Variants in INO80D observed in about 807,000 individuals in gnomAD.
INO80D encodes the protein INO80 complex subunit D.
A neutral mutation model predicts 87.6 loss-of-function variants in INO80D; 21 were observed. That is an observed-to-expected ratio of 0.24 (90% CI 0.17 to 0.35). The LOEUF is 0.35. Among genes scored for constraint, INO80D ranks in the 10% least tolerant of loss-of-function variants. INO80D has a pLI of 1.00. For missense variants in INO80D, 982 were observed against 1,280.7 expected (o/e 0.77, Z 3.56); for synonymous variants, 440 against 491.0 (o/e 0.90, Z 1.37).
At chr2:206,018,788 G>A (rs917417804) in intron 7 of INO80D, among the ~76,000 whole-genome samples, 1 of 152,098 alleles carries the variant, frequency 6.6e-6, no homozygotes, top group African/African-American at 2.4e-5. Context: ...TGTAGTCCCA[G>A]GTACTCAGGA....
chr2:206,009,499 A>T lies in INO80D; in HGVS notation c.1760+78T>A, dbSNP rs578048340. 4 of 1,248,414 alleles carry T rather than the reference A, an allele frequency of 3.2e-6. No individual in the cohort carries two copies. In the East Asian group the frequency reaches 7.0e-5, roughly 22 times the overall value. The allele number at this position is 1,248,414 out of a possible 1,614,324, so 77.3% of individuals were successfully genotyped here. Reference sequence around the variant, plus strand: ...TTCTGTAGCCTAGTGACAACTTTACAATAACCACATGAAGCTAGATGTTCT... The same window carrying T: ...TTCTGTAGCCTAGTGACAACTTTACTATAACCACATGAAGCTAGATGTTCT... On this transcript the variant is annotated intron_variant, in intron 9 of 10. Transcript: ENST00000403263.
At chr2:206,033,054 G>C (rs1378979682) in intron 5 of INO80D, among the ~76,000 whole-genome samples, 1 of 152,158 alleles carries the variant, frequency 6.6e-6, no homozygotes, top group African/African-American at 2.4e-5. Context: ...GAATGGATAA[G>C]AACCCACCAA....
chr2:206,068,345 C>T (rs1170082643), intron 1 of INO80D, among the ~76,000 whole-genome samples: 1 of 152,150 alleles, frequency 6.6e-6, no homozygotes, highest in Non-Finnish European at 1.5e-5. Flanking sequence ...AGAGATCCTC[C>T]CGCTTTGGCC....
chr2:206,033,529 T>C (rs1401681555), intron 5 of INO80D, among the ~76,000 whole-genome samples: 1 of 152,162 alleles, frequency 6.6e-6, no homozygotes, highest in East Asian at 1.9e-4. Flanking sequence ...TTAAAAATTC[T>C]TCAGATTGAA....
In INO80D at chr2:206,062,493, C is replaced by A. The variant is rs908480899; in HGVS notation, c.218+306G>T. Among the ~76,000 whole-genome samples, 1 of 152,012 alleles carries A rather than the reference C, an allele frequency of 6.6e-6. No individual in the cohort carries two copies. Among genetic ancestry groups the A allele is most frequent in the African/African-American group, 2.4e-5 (1 of 41,408 alleles). ...TCCGTTTCAAGACTTCAAGCAGCAA[C>A]TTTGAGGGAAAAAAAATCTTTTAAA... On this transcript the variant is annotated intron_variant, in intron 3 of 10. Transcript: ENST00000403263. The surrounding 1 kb of genome is among the most constrained non-coding windows in gnomAD (Gnocchi z 4.6).
rs916153007 is a variant in INO80D, at chr2:206,003,510, G to A, written c.*858C>T. On this transcript the variant is annotated 3_prime_UTR_variant, in exon 11 of 11. Coordinates refer to ENST00000403263, the MANE Select transcript of INO80D (RefSeq NM_017759.5). ...CAGTCATCCCAGGCAAGCTTTTTAG[G>A]ACATCCCTACCTCACTGACGGGAAT... The A allele has an allele frequency of 7.9e-5, 12 of 152,188 alleles. No individual in the cohort carries two copies. Among genetic ancestry groups the A allele is most frequent in the Admixed American group, 4.6e-4 (7 of 15,270 alleles). The allele number at this position is 152,188 out of a possible 1,614,324, so 9.4% of individuals were successfully genotyped here.
intron 5 of INO80D, among the ~76,000 whole-genome samples, chr2:206,038,137 T>C (rs1464242998): frequency 6.6e-6 from 1 of 152,176 alleles, no homozygotes; most frequent in Non-Finnish European, 1.5e-5. Flanking sequence ...GCACAATGTA[T>C]GTCATTCATG....
chr2:206,083,032 A>G (rs943502916), intron 1 of INO80D, among the ~76,000 whole-genome samples: 6 of 152,242 alleles, frequency 3.9e-5, no homozygotes, highest in African/African-American at 1.4e-4. Context: ...CTAACACTTA[A>G]TAATAAAAAA....
At chr2:206,063,299 A>C in intron 1 of INO80D, 55 bp from the exon 2 acceptor site, 1 of 520,658 alleles carries the variant, frequency 1.9e-6, no homozygotes, top group African/African-American at 2.0e-5. Context: ...AAGCTAGCTC[A>C]CCCAGGAAGC....
intron 5 of INO80D, among the ~76,000 whole-genome samples, chr2:206,037,503 C>T (rs889029036): frequency 1.3e-4 from 20 of 152,084 alleles, no homozygotes; most frequent in Non-Finnish European, 2.6e-4. Flanking sequence ...AAATATCCAA[C>T]GAGCAATTCA....
At chr2:206,076,710 C>T (rs1000458790) in intron 1 of INO80D, among the ~76,000 whole-genome samples, 2 of 152,214 alleles carry the variant, frequency 1.3e-5, no homozygotes, top group Admixed American at 1.3e-4. Context: ...ATGAACTTTA[C>T]ACTAGTTCCT....
chr2:206,007,074 T>C (rs1688046091), intron 10 of INO80D, among the ~76,000 whole-genome samples: 1 of 152,156 alleles, frequency 6.6e-6, no homozygotes, highest in African/African-American at 2.4e-5. Flanking sequence ...GTTATAAACC[T>C]AGTCAGCAAA....
chr2:206,041,590 A>T (rs1428458575), intron 5 of INO80D, among the ~76,000 whole-genome samples: 1 of 152,260 alleles, frequency 6.6e-6, no homozygotes, highest in Non-Finnish European at 1.5e-5. Flanking sequence ...AGAAATAATC[A>T]AATTTACAAA....
intron 4 of INO80D, among the ~76,000 whole-genome samples, chr2:206,047,431 C>A (rs1689226439): frequency 6.6e-6 from 1 of 151,590 alleles, no homozygotes; most frequent in Admixed American, 6.6e-5. Flanking sequence ...GTTGGCCAGG[C>A]TGGTCTCAAT....
intron 8 of INO80D, among the ~76,000 whole-genome samples, chr2:206,014,213 A>G (rs1688258931): frequency 6.6e-6 from 1 of 152,208 alleles, no homozygotes. Context: ...AAAGTGGGAA[A>G]ATAATTATTC....
intron 10 of INO80D, among the ~76,000 whole-genome samples, chr2:206,006,408 C>T (rs180924699): frequency 2.3e-3 from 347 of 152,252 alleles, no homozygotes; most frequent in Middle Eastern, 6.8e-3. Context: ...TTCGGCTGGG[C>T]GCGGTGGCTC....
intron 9 of INO80D, among the ~76,000 whole-genome samples, chr2:206,008,134 A>G (rs1185166668): frequency 6.6e-6 from 1 of 151,670 alleles, no homozygotes; most frequent in Non-Finnish European, 1.5e-5. Context: ...AGCGCCCACC[A>G]CTATGCCAAG....
rs760682584 is a variant in INO80D at position 206,019,788 on chromosome 2, C to A, written c.1356G>T (p.Lys452Asn). ...VEPAACSGTV[K>N]GEQCANKALP... ...GGGCTTTGTTAGCGCACTGTTCACC[C>A]TTCACGGTTCCACTGCATGCTGCTG... is the stretch of plus-strand genomic sequence containing the variant. The change falls in exon 7 of 11, where the codon AAG (lysine) becomes AAT (asparagine). Residue 452 changes from lysine to asparagine, a missense_variant. By Grantham distance (94) the Lys-to-Asn change is moderately conservative (BLOSUM62 0). Coordinates refer to ENST00000403263, the MANE Select transcript of INO80D (RefSeq NM_017759.5). 1.2e-6 allele frequency: 2 copies of A among 1,613,806 alleles called. No homozygotes were observed. The highest frequency in any genetic ancestry group is 3.3e-5 in the Admixed American group (2 of 59,996).
chr2:206,038,706 G>A (rs1688955349), intron 5 of INO80D, among the ~76,000 whole-genome samples: 1 of 152,016 alleles, frequency 6.6e-6, no homozygotes, highest in African/African-American at 2.4e-5. Flanking sequence ...GCTGGTACAC[G>A]CCTGTAATCC....
Sources: allele counts gnomAD v4.1 joint callset (sites outside exome capture counted in the v4.1 genomes callset), GRCh38; gene constraint gnomAD v4.1.1; non-coding constraint Gnocchi (gnomAD v3.1); transcripts MANE v1.5; gene names NCBI Gene and HGNC (gene_info 2026-07-23, HGNC 2026-07-21).